Variants in PRSS16 observed in about 807,000 individuals in gnomAD.
The protein encoded by PRSS16 is serine protease 16.
A neutral mutation model predicts 61.7 loss-of-function variants in PRSS16; 43 were observed. That is an observed-to-expected ratio of 0.70 (90% CI 0.55 to 0.90). The LOEUF (loss-of-function observed/expected upper bound fraction) is 0.90. Ranked by LOEUF, PRSS16 falls within the 40% of genes least tolerant of loss-of-function variation. The pLI, the probability that PRSS16 is intolerant of heterozygous loss-of-function variation, is 0.00. For missense variants in PRSS16, 591 were observed against 659.1 expected, an observed-to-expected ratio of 0.90 and a Z score of 1.13; for synonymous variants, 273 against 285.2, an observed-to-expected ratio of 0.96 and a Z score of 0.43.
Position 27,251,837 on chromosome 6 carries a change from C to G in PRSS16, c.805C>G (p.Leu269Val). Residue 269 changes from leucine (L) to valine (V), a missense_variant, in exon 8 of 12, where the codon CTG becomes GTG. By Grantham distance (32) the Leu-to-Val change is conservative. Coordinates refer to ENST00000230582, the MANE Select transcript of PRSS16 (RefSeq NM_005865.4). The surrounding 1 kb of genome is among the most constrained non-coding windows in gnomAD (Gnocchi z 5.6). The part of the protein sequence containing the change: ...GAAQAALRTE[L>V]SACGPLGRAE... ...GGCTCAAGCAGCATTGCGGACGGAG[C>G]TGAGCGCTTGCGGGCCCCTGGGCCG... The G allele has an allele frequency of 2.5e-6, 4 of 1,612,718 alleles. No individual in the cohort carries two copies. The highest frequency in any genetic ancestry group is 3.4e-6 in the Non-Finnish European group (4 of 1,179,740).
In PRSS16 at chr6:27,256,225, A is replaced by G. The variant is rs1002549219; in HGVS notation, c.*910A>G. 1.3e-5 allele frequency: 2 copies of G among 151,888 alleles called. No individual in the cohort carries two copies. Among genetic ancestry groups the G allele is most frequent in the African/African-American group, 4.9e-5 (2 of 41,094 alleles). The allele number at this position is 151,888 out of a possible 1,614,324, so 9.4% of individuals were successfully genotyped here. On this transcript the variant is annotated 3_prime_UTR_variant, in exon 12 of 12. Coordinates refer to ENST00000230582, the MANE Select transcript of PRSS16 (RefSeq NM_005865.4). The stretch of plus-strand genomic sequence containing the variant: ...ATTTAGTCTTCCTTCCACACCCTTC[A>G]CTCACCATCTTTTCCCACAATCAAA...
rs1446178787 is a variant in PRSS16 at position 27,254,519 on chromosome 6, C to T, written c.1151-174C>T. On this transcript the variant is annotated intron_variant, in intron 9 of 11. Coordinates refer to ENST00000230582, the MANE Select transcript of PRSS16 (RefSeq NM_005865.4). ...CCTTTTTCCATCACAGCCCTGATCA[C>T]TGTGGGCTATCACTGTCAGGGGACT... 1.4e-5 allele frequency: 9 copies of T among 641,234 alleles called. No individual in the cohort carries two copies. The African/African-American group carries it at 1.5e-4, about 10-fold the overall frequency. The allele number at this position is 641,234 out of a possible 1,614,324, so 39.7% of individuals were successfully genotyped here. A position where few individuals can be genotyped will look rare whatever the true frequency, so the allele number is the denominator to read the frequency against.
Position 27,254,997 on chromosome 6 carries a change from C to A in PRSS16, c.1342C>A (p.Pro448Thr), listed in dbSNP as rs1759999352. The A allele has an allele frequency of 6.2e-7, 1 of 1,613,258 alleles. No individual in the cohort carries two copies. The highest frequency in any genetic ancestry group is 8.5e-7 in the Non-Finnish European group (1 of 1,179,270). The change falls in exon 11 of 12, where the codon CCC becomes ACC. Residue 448 changes from proline (P) to threonine (T), a missense_variant. Pro to Thr is a conservative substitution (Grantham distance 38, BLOSUM62 -1). Coordinates refer to ENST00000230582, the MANE Select transcript of PRSS16 (RefSeq NM_005865.4). Reference protein sequence around the residue: ...KVLFVNGDTDPWHVLSVTQAL... With the variant: ...KVLFVNGDTDTWHVLSVTQAL... ...TCCTTTCTTTCCAGGGGACACAGAC[C>A]CCTGGCATGTGCTAAGTGTAACACA...
At position 27,255,760 on chromosome 6, in the gene PRSS16, C is replaced by T. The variant is rs1760017090; in HGVS notation, c.*445C>T. The T allele has an allele frequency of 1.9e-5, 3 of 160,512 alleles. No homozygotes were observed. Among genetic ancestry groups the T allele is most frequent in the Admixed American group, 1.8e-4 (3 of 16,232 alleles). 9.9% of individuals were successfully genotyped at this position (160,512 alleles called of 1,614,324 possible). ...CCTCAGTCTCTTCCTCTCTCTTTCC[C>T]CTGTCACTATTTGTCTTTCTAATCT... On this transcript the variant is annotated 3_prime_UTR_variant, in exon 12 of 12. Transcript: ENST00000230582. This position sits in a 1 kb window ranked among gnomAD's most constrained non-coding sequence, Gnocchi z 4.4.
chr6:27,251,388 G>A lies in PRSS16; in HGVS notation c.717+124G>A. 8.1e-7 allele frequency: 1 copy of A among 1,232,962 alleles called. No homozygotes were observed. Among genetic ancestry groups the A allele is most frequent in the Non-Finnish European group, 1.1e-6 (1 of 908,452 alleles). 76.4% of individuals were successfully genotyped at this position (1,232,962 alleles called of 1,614,324 possible). A position where few individuals can be genotyped will look rare whatever the true frequency, so the allele number is the denominator to read the frequency against. On this transcript the variant is annotated intron_variant, in intron 7 of 11. Coordinates refer to ENST00000230582, the MANE Select transcript of PRSS16 (RefSeq NM_005865.4). The surrounding 1 kb of genome is among the most constrained non-coding windows in gnomAD (Gnocchi z 5.6). The stretch of plus-strand genomic sequence containing the variant: ...CGGGGTCTAAGGAAGGTCGGAGCTC[G>A]GGGGAATACGCAGGTTTTGGAAGAA...
rs1759912010 is a variant in PRSS16 at position 27,251,789 on chromosome 6, C to A, written c.757C>A (p.Arg253=). Residue 253 remains arginine, a synonymous_variant, in exon 8 of 12, where the codon CGG becomes AGG. Coordinates refer to ENST00000230582, the MANE Select transcript of PRSS16 (RefSeq NM_005865.4). The surrounding 1 kb of genome is among the most constrained non-coding windows in gnomAD (Gnocchi z 5.6). ...GTCCGTCGCCTTCGCTGAAGTGGAG[C>A]GGCGGCTGCGCTCGGGTGGGGCGGC... The part of the protein sequence containing the change: ...AVSVAFAEVE[R]RLRSGGAAQA... 6.2e-7 allele frequency: 1 copy of A among 1,608,678 alleles called. No homozygotes were observed. The highest frequency in any genetic ancestry group is 1.3e-5 in the African/African-American group (1 of 74,728).
Position 27,251,611 on chromosome 6 carries a change from G to A in PRSS16, c.718-139G>A, listed in dbSNP as rs1242750568. 5 of 836,164 alleles carry A rather than the reference G, an allele frequency of 6.0e-6. No individual in the cohort carries two copies. The highest frequency in any genetic ancestry group is 1.9e-5 in the African/African-American group (1 of 53,278). The allele number at this position is 836,164 out of a possible 1,614,324, so 51.8% of individuals were successfully genotyped here. On this transcript the variant is annotated intron_variant, in intron 7 of 11. Coordinates refer to ENST00000230582, the MANE Select transcript of PRSS16 (RefSeq NM_005865.4). The surrounding 1 kb of genome is among the most constrained non-coding windows in gnomAD (Gnocchi z 5.6). ...TGGGGGCGGGGGCCTGGGGGCGGGG[G>A]CCTGGGCCAAGAGCTAGGTCTGCAC...
At chr6:27,253,622 A>T (rs1759969571) in intron 9 of PRSS16, 5 of 280,736 alleles carry the variant, frequency 1.8e-5, no homozygotes, top group Non-Finnish European at 2.2e-5. Flanking sequence ...TTTTTTTAGT[A>T]TAAGCATGTC....
Position 27,252,096 on chromosome 6 carries a change from C to T in PRSS16, c.1008+56C>T, listed in dbSNP as rs1759927643. 15 of 1,434,766 alleles carry T rather than the reference C, an allele frequency of 1.0e-5. No homozygotes were observed. The highest frequency in any genetic ancestry group is 1.3e-5 in the Non-Finnish European group (14 of 1,098,264). The allele number at this position is 1,434,766 out of a possible 1,614,324, so 88.9% of individuals were successfully genotyped here. A position where few individuals can be genotyped will look rare whatever the true frequency, so the allele number is the denominator to read the frequency against. ...TTAGCGGACAAAGATTCCTGCCCCA[C>T]TTCCGTTGTGTGATCTTGGGCAAGC... On this transcript the variant is annotated intron_variant, in intron 8 of 11. Transcript: ENST00000230582. The surrounding 1 kb of genome is among the most constrained non-coding windows in gnomAD (Gnocchi z 4.2).
rs2113726316 is a variant in PRSS16 at position 27,249,138 on chromosome 6, G to A, written c.376G>A (p.Val126Met). ...CTTGGCCCCAGCCTGGGGCGCCCTG[G>A]TGATAAGCCTGGAACACAGATTTTA... is the stretch of plus-strand genomic sequence containing the variant. The part of the protein sequence containing the change: ...AALAPAWGAL[V>M]ISLEHRFYGL... Residue 126 changes from valine (V) to methionine (M), a missense_variant, in exon 4 of 12, where the codon GTG (valine) becomes ATG (methionine). Transcript: ENST00000230582. The A allele has an allele frequency of 6.2e-7, 1 of 1,604,634 alleles. No homozygotes were observed. The highest frequency in any genetic ancestry group is 8.5e-7 in the Non-Finnish European group (1 of 1,178,310).
At position 27,250,597 on chromosome 6, in the gene PRSS16, C is replaced by G. The variant is rs76907775; in HGVS notation, c.468-86C>G. On this transcript the variant is annotated intron_variant, in intron 4 of 11. Coordinates refer to ENST00000230582, the MANE Select transcript of PRSS16 (RefSeq NM_005865.4). ...TCTGGCCAGATTCACCCATTCATGTCTCTGGATCCGGGTTTCCCCCAGAAT... is the reference window on the plus strand; with the variant it reads ...TCTGGCCAGATTCACCCATTCATGTGTCTGGATCCGGGTTTCCCCCAGAAT... 3,458 of 1,501,018 alleles carry G rather than the reference C, an allele frequency of 2.3e-3. 48 individuals carry two copies. The African/African-American group carries it at 0.028, about 12-fold the overall frequency. The allele number at this position is 1,501,018 out of a possible 1,614,324, so 93.0% of individuals were successfully genotyped here.
rs1165504285 is a variant in PRSS16 at position 27,251,660 on chromosome 6, G to T, written c.718-90G>T. The T allele has an allele frequency of 1.4e-6, 2 of 1,475,414 alleles. No homozygotes were observed. Among genetic ancestry groups the T allele is most frequent in the African/African-American group, 1.4e-5 (1 of 70,864 alleles). The allele number at this position is 1,475,414 out of a possible 1,614,324, so 91.4% of individuals were successfully genotyped here. ...ACCCTCTGAGTCCCGCTAGGGGAAA[G>T]TGGGGAACCCAAGGAGGACGCAGGT... On this transcript the variant is annotated intron_variant, in intron 7 of 11. Transcript: ENST00000230582. The surrounding 1 kb of genome is among the most constrained non-coding windows in gnomAD (Gnocchi z 5.6).
Position 27,251,665 on chromosome 6 carries a change from G to C in PRSS16, c.718-85G>C. ...CTGAGTCCCGCTAGGGGAAAGTGGG[G>C]AACCCAAGGAGGACGCAGGTCCTGG... On this transcript the variant is annotated intron_variant, in intron 7 of 11. Transcript: ENST00000230582. The surrounding 1 kb of genome is among the most constrained non-coding windows in gnomAD (Gnocchi z 5.6). 3 of 1,484,208 alleles carry C rather than the reference G, an allele frequency of 2.0e-6. No homozygotes were observed. The highest frequency in any genetic ancestry group is 2.7e-6 in the Non-Finnish European group (3 of 1,124,520). The allele number at this position is 1,484,208 out of a possible 1,614,324, so 91.9% of individuals were successfully genotyped here.
rs1039738364 is a variant in PRSS16 at position 27,252,107 on chromosome 6, T to C, written c.1008+67T>C. Reference sequence around the variant, plus strand: ...AGATTCCTGCCCCACTTCCGTTGTGTGATCTTGGGCAAGCGAGAACCTTCT... The same window carrying C: ...AGATTCCTGCCCCACTTCCGTTGTGCGATCTTGGGCAAGCGAGAACCTTCT... On this transcript the variant is annotated intron_variant, in intron 8 of 11. Coordinates refer to ENST00000230582, the MANE Select transcript of PRSS16 (RefSeq NM_005865.4). The surrounding 1 kb of genome is among the most constrained non-coding windows in gnomAD (Gnocchi z 4.2). 2 of 1,424,082 alleles carry C rather than the reference T, an allele frequency of 1.4e-6. No homozygotes were observed. The highest frequency in any genetic ancestry group is 1.8e-6 in the Non-Finnish European group (2 of 1,091,054). 88.2% of individuals were successfully genotyped at this position (1,424,082 alleles called of 1,614,324 possible). A position where few individuals can be genotyped will look rare whatever the true frequency, so the allele number is the denominator to read the frequency against.
chr6:27,252,779 A>G lies in PRSS16; in HGVS notation c.1009-29A>G. The G allele has an allele frequency of 6.2e-7, 1 of 1,613,080 alleles. No individual in the cohort carries two copies. Among genetic ancestry groups the G allele is most frequent in the Non-Finnish European group, 8.5e-7 (1 of 1,179,586 alleles). ...CTTGCTGGGAAGAGAGGAGGAATTT[A>G]TGTCTTATGTATGTACATTGTTCCC... On this transcript the variant is annotated intron_variant, in intron 8 of 11. Transcript: ENST00000230582. The surrounding 1 kb of genome is among the most constrained non-coding windows in gnomAD (Gnocchi z 4.2).
chr6:27,254,976 T>G lies in PRSS16; in HGVS notation c.1331-10T>G, dbSNP rs755329366. On this transcript the variant is annotated splice_polypyrimidine_tract_variant and intron_variant, in intron 10 of 11. Coordinates refer to ENST00000230582, the MANE Select transcript of PRSS16 (RefSeq NM_005865.4). ...CATCTACCTAGCCCCATCCTATCCT[T>G]TCTTTCCAGGGGACACAGACCCCTG... 4 of 1,612,802 alleles carry G rather than the reference T, an allele frequency of 2.5e-6. No homozygotes were observed. The highest frequency in any genetic ancestry group is 3.4e-6 in the Non-Finnish European group (4 of 1,178,870).
At chr6:27,253,555 T>C (rs1271029563) in intron 9 of PRSS16, 3 of 425,354 alleles carry the variant, frequency 7.1e-6, no homozygotes, top group Non-Finnish European at 1.4e-5. Context: ...AGGGTAGTGT[T>C]GCCAGATACA....
chr6:27,251,834 G>A lies in PRSS16; in HGVS notation c.802G>A (p.Glu268Lys), dbSNP rs1561774029. 4.3e-6 allele frequency: 7 copies of A among 1,612,608 alleles called. No individual in the cohort carries two copies. In the East Asian group the frequency reaches 8.9e-5, roughly 21 times the overall value. The change falls in exon 8 of 12, where the codon GAG becomes AAG. Residue 268 changes from glutamate to lysine, a missense_variant. By Grantham distance (56) the Glu-to-Lys change is moderately conservative. Transcript: ENST00000230582. The surrounding 1 kb of genome is among the most constrained non-coding windows in gnomAD (Gnocchi z 5.6). ...GGAAQAALRT[E>K]LSACGPLGRA... Reference sequence around the variant, plus strand: ...GGCGGCTCAAGCAGCATTGCGGACGGAGCTGAGCGCTTGCGGGCCCCTGGG... The same window carrying A: ...GGCGGCTCAAGCAGCATTGCGGACGAAGCTGAGCGCTTGCGGGCCCCTGGG...
Position 27,251,176 on chromosome 6 carries a change from C to T in PRSS16, c.670-41C>T. 1.2e-6 allele frequency: 2 copies of T among 1,613,890 alleles called. No individual in the cohort carries two copies. The highest frequency in any genetic ancestry group is 1.7e-6 in the Non-Finnish European group (2 of 1,179,950). ...GGAGGGGTCCCAGCGGGCGGAGTCC[C>T]TTGACACTTCCGGATACCTTCCTCT... On this transcript the variant is annotated intron_variant, in intron 6 of 11. Coordinates refer to ENST00000230582, the MANE Select transcript of PRSS16 (RefSeq NM_005865.4). The surrounding 1 kb of genome is among the most constrained non-coding windows in gnomAD (Gnocchi z 5.6).
Sources: allele counts gnomAD v4.1 joint callset, GRCh38; gene constraint gnomAD v4.1.1; non-coding constraint Gnocchi (gnomAD v3.1); transcripts MANE v1.5; gene names NCBI Gene and HGNC (gene_info 2026-07-23, HGNC 2026-07-21).